PRKG1: variants seen among roughly 807,000 people sequenced by gnomAD.
PRKG1 encodes protein kinase cGMP-dependent 1, also known as cGMP-dependent protein kinase 1.
Under a neutral mutation model 88.1 loss-of-function variants are expected in PRKG1, and 35 were observed. The observed-to-expected ratio is 0.40, with a 90% CI of 0.30 to 0.53. PRKG1 has a LOEUF of 0.53. PRKG1 is among the 20% of genes least tolerant of loss of function. The pLI, the probability that PRKG1 is intolerant of heterozygous loss-of-function variation, is 0.59. For synonymous variants in PRKG1, 303 were observed against 292.5 expected (o/e 1.04, Z -0.37); for missense variants, 540 against 839.8 (o/e 0.64, Z 4.41).
At chr10:52,069,286 G>T (rs11000684) in intron 7 of PRKG1, among the ~76,000 whole-genome samples, 26,352 of 151,906 alleles carry the variant, frequency 0.17, 2,886 homozygotes, top group South Asian at 0.28. Flanking sequence ...ATCCCAGCAC[G>T]TTGGTAGGCT....
At chr10:52,271,218 G>T in intron 10 of PRKG1, 132 bp from the exon 11 acceptor site, 1 of 926,052 alleles carries the variant, frequency 1.1e-6, no homozygotes, top group Non-Finnish European at 1.6e-6. Context: ...CTCTACCAAG[G>T]ATTTACTGTG....
At chr10:52,061,857 C>T (rs1437195645) in intron 6 of PRKG1, among the ~76,000 whole-genome samples, 1 of 152,034 alleles carries the variant, frequency 6.6e-6, no homozygotes. Flanking sequence ...TGAGATGTGT[C>T]TTCAAATGAA....
intron 2 of PRKG1, among the ~76,000 whole-genome samples, chr10:51,379,608 T>C (rs1842881026): frequency 6.6e-6 from 1 of 152,256 alleles, no homozygotes; most frequent in African/African-American, 2.4e-5. Context: ...GTTATTCTTA[T>C]GACATTCACA....
chr10:51,343,799 C>T (rs1361781558), intron 2 of PRKG1, among the ~76,000 whole-genome samples: 1 of 152,086 alleles, frequency 6.6e-6, no homozygotes, highest in Admixed American at 6.6e-5. Flanking sequence ...ATCACTCAGC[C>T]AGGGAATAAT....
At chr10:51,835,026 T>A (rs1343969869) in intron 4 of PRKG1, among the ~76,000 whole-genome samples, 1 of 152,156 alleles carries the variant, frequency 6.6e-6, no homozygotes, top group Non-Finnish European at 1.5e-5. Flanking sequence ...AGAAAGCCCA[T>A]AAGCCCACAT....
rs572663629 is a variant in PRKG1 at position 51,164,055 on chromosome 10, G to A, written c.478+10725G>A. Among the ~76,000 whole-genome samples, 3 of 152,322 alleles carry A rather than the reference G, an allele frequency of 2.0e-5. No individual in the cohort carries two copies. In the South Asian group the frequency reaches 6.2e-4, roughly 32 times the overall value. ...TTTGAAGAGAGCAGTGGTTCTCCCA[G>A]CATGCAGCTGGAGATCTGAGAACGG... is the stretch of plus-strand genomic sequence containing the variant. On this transcript the variant is annotated intron_variant, in intron 2 of 17. Transcript: ENST00000373980.
At chr10:51,630,418 A>G (rs1231846627) in intron 3 of PRKG1, among the ~76,000 whole-genome samples, 3 of 152,202 alleles carry the variant, frequency 2.0e-5, no homozygotes, top group African/African-American at 7.2e-5. Flanking sequence ...TGACCTGGGT[A>G]GCAAAACCAG....
At position 51,110,203 on chromosome 10, in the gene PRKG1, A is replaced by T. The variant is rs527298601; in HGVS notation, c.311+35302A>T. Among the ~76,000 whole-genome samples, 142 of 152,210 alleles carry T rather than the reference A, an allele frequency of 9.3e-4. 1 individual carries two copies. The South Asian group carries it at 0.011, about 11-fold the overall frequency. On this transcript the variant is annotated intron_variant, in intron 1 of 17. Transcript: ENST00000373980. ...AGATCCACCGATTCCACCCCTGTGTATTTACCCAAGAGAAAAACAAAAGAT... is the reference window on the plus strand; with the variant it reads ...AGATCCACCGATTCCACCCCTGTGTTTTTACCCAAGAGAAAAACAAAAGAT...
At chr10:51,118,702 A>G (rs1350469490) in intron 1 of PRKG1, among the ~76,000 whole-genome samples, 3 of 152,160 alleles carry the variant, frequency 2.0e-5, no homozygotes, top group African/African-American at 7.2e-5. Flanking sequence ...ATTAGAACAC[A>G]GTTCTGATTC....
intron 2 of PRKG1, among the ~76,000 whole-genome samples, chr10:51,440,368 A>C (rs1839065840): frequency 6.6e-6 from 1 of 151,984 alleles, no homozygotes; most frequent in African/African-American, 2.4e-5. Context: ...ATAGGGTTAC[A>C]TTCTCGAAGA....
chr10:51,804,814 G>A, intron 4 of PRKG1, 124 bp downstream of exon 4: 1 of 638,594 alleles, frequency 1.6e-6, no homozygotes, highest in Non-Finnish European at 2.7e-6. Flanking sequence ...GTCTACAAAT[G>A]TGTAGAGATG....
intron 9 of PRKG1, among the ~76,000 whole-genome samples, chr10:52,218,309 C>A (rs1840163477): frequency 6.6e-6 from 1 of 151,270 alleles, no homozygotes; most frequent in South Asian, 2.1e-4. Flanking sequence ...CAGCTGACAT[C>A]CATCAAAGGG....
At chr10:51,525,459 G>A (rs1409698964) in intron 3 of PRKG1, among the ~76,000 whole-genome samples, 2 of 152,200 alleles carry the variant, frequency 1.3e-5, no homozygotes, top group African/African-American at 4.8e-5. Flanking sequence ...AGCACTTTGG[G>A]AGGTCGAGGC....
At chr10:52,156,367 G>A (rs1178065760) in intron 8 of PRKG1, among the ~76,000 whole-genome samples, 1 of 151,762 alleles carries the variant, frequency 6.6e-6, no homozygotes, top group African/African-American at 2.4e-5. Flanking sequence ...ATAAGTCTTT[G>A]TGTCTTATCT....
At chr10:51,087,287 T>C (rs951446709) in intron 1 of PRKG1, among the ~76,000 whole-genome samples, 2 of 151,470 alleles carry the variant, frequency 1.3e-5, no homozygotes, top group African/African-American at 4.9e-5. Context: ...TGGTCAATTA[T>C]TGATGATGAT....
rs1470526142 is a variant in PRKG1, at chr10:51,301,592, T to TGG, written c.478+148262_478+148263insGG. Among the ~76,000 whole-genome samples, 7 of 152,242 alleles carry TGG rather than the reference T, an allele frequency of 4.6e-5. No homozygotes were observed. The East Asian group carries it at 1.2e-3, about 25-fold the overall frequency. ...GGAGCAACAGAAATCCATAGTAATCTATCCAAAAAAGAAAGACCAAAGGAT... is the reference window on the plus strand; with the variant it reads ...GGAGCAACAGAAATCCATAGTAATCTGGATCCAAAAAAGAAAGACCAAAGGAT... On this transcript the variant is annotated intron_variant, in intron 2 of 17. Transcript: ENST00000373980.
intron 3 of PRKG1, among the ~76,000 whole-genome samples, chr10:51,631,003 T>C: frequency 6.6e-6 from 1 of 152,176 alleles, no homozygotes; most frequent in Non-Finnish European, 1.5e-5. Flanking sequence ...GCATGCTTGG[T>C]CTCCATGTGG....
At chr10:51,969,418 T>C (rs1032770722) in intron 5 of PRKG1, among the ~76,000 whole-genome samples, 1 of 152,150 alleles carries the variant, frequency 6.6e-6, no homozygotes, top group African/African-American at 2.4e-5. Context: ...AAAGTAGAAT[T>C]TCTAAGTCTT....
chr10:52,057,593 G>A (rs531132686), intron 6 of PRKG1, among the ~76,000 whole-genome samples: 1 of 152,260 alleles, frequency 6.6e-6, no homozygotes, highest in South Asian at 2.1e-4. Context: ...AAGTTGCAGA[G>A]TTCTAATAGT....
Sources: allele counts gnomAD v4.1 joint callset (sites outside exome capture counted in the v4.1 genomes callset), GRCh38; gene constraint gnomAD v4.1.1; transcripts MANE v1.5; gene names NCBI Gene and HGNC (gene_info 2026-07-23, HGNC 2026-07-21).